STK32A: variants seen among roughly 807,000 people sequenced by gnomAD.
The protein encoded by STK32A is serine/threonine-protein kinase 32A.
In STK32A, 41 loss-of-function variants were observed where a neutral mutation model predicts 53.2. The ratio of observed to expected loss-of-function variants is 0.77; its 90% CI spans 0.60 to 1.00. The LOEUF (loss-of-function observed/expected upper bound fraction) is 1.00, where lower values mean the gene tolerates loss of function less well. Among genes scored for constraint, STK32A ranks in the 50% least tolerant of loss-of-function variants. The pLI is 0.00. For synonymous variants in STK32A, 166 were observed against 162.8 expected (o/e 1.02, Z -0.15); for missense variants, 458 against 485.8 (o/e 0.94, Z 0.54).
chr5:147,399,272 T>G, the STK32A span: 11 of 1,609,830 alleles, frequency 6.8e-6, no homozygotes, highest in Non-Finnish European at 9.3e-6. Flanking sequence ...TATAAGAAAT[T>G]ATATCTATAT....
At chr5:147,400,135 G>C in the STK32A span, among the ~76,000 whole-genome samples, 2 of 152,154 alleles carry the variant, frequency 1.3e-5, no homozygotes, top group Non-Finnish European at 2.9e-5. Flanking sequence ...TAAAATCTTT[G>C]AAAGAGTCTT....
rs76072889 is a variant in STK32A, at chr5:147,323,152, G to A, written c.261-746G>A. On this transcript the variant is annotated intron_variant, in intron 4 of 12. Coordinates refer to ENST00000397936, the MANE Select transcript of STK32A (RefSeq NM_001112724.2). ...ACTTTGTGCATTTCCTCGTGTGAAT[G>A]GGAGCGTAGGTCCAGCATCGTGAGG... 6.2e-3 allele frequency among the ~76,000 whole-genome samples: 940 copies of A among 152,298 alleles called. 11 individuals carry two copies. The highest frequency in any genetic ancestry group is 0.019 in the African/African-American group (809 of 41,558).
chr5:147,296,313 C>A (rs1022154241), intron 4 of STK32A, among the ~76,000 whole-genome samples: 1 of 151,376 alleles, frequency 6.6e-6, no homozygotes, highest in Non-Finnish European at 1.5e-5. Flanking sequence ...TGGAAGAGGG[C>A]CAGATGGGCA....
intron 1 of STK32A, among the ~76,000 whole-genome samples, chr5:147,238,100 A>G (rs1753404299): frequency 6.6e-6 from 1 of 152,266 alleles, no homozygotes; most frequent in African/African-American, 2.4e-5. Flanking sequence ...ATGACCATAT[A>G]TGTGCTAAGC....
chr5:147,290,921 T>C (rs1390033083), intron 4 of STK32A, among the ~76,000 whole-genome samples: 1 of 152,100 alleles, frequency 6.6e-6, no homozygotes, highest in East Asian at 1.9e-4. Context: ...ACAAGGCAGT[T>C]CCTAAGTTAT....
the STK32A span, chr5:147,397,635 T>C: frequency 1.2e-6 from 2 of 1,601,482 alleles, no homozygotes; most frequent in Non-Finnish European, 1.7e-6. Flanking sequence ...ACAAAGCTCC[T>C]GCACCACCTC....
chr5:147,273,173 A>G (rs1340105707), intron 2 of STK32A, among the ~76,000 whole-genome samples: 1 of 152,158 alleles, frequency 6.6e-6, no homozygotes, highest in Non-Finnish European at 1.5e-5. Context: ...GCATGTTGAG[A>G]CAGAGAAGAT....
chr5:147,347,886 G>T (rs977225870), intron 6 of STK32A, among the ~76,000 whole-genome samples: 1 of 152,150 alleles, frequency 6.6e-6, no homozygotes, highest in Non-Finnish European at 1.5e-5. Flanking sequence ...GTGAAGTTCT[G>T]CCTTCATTGT....
intron 3 of STK32A, among the ~76,000 whole-genome samples, chr5:147,279,025 C>G (rs1475264155): frequency 6.6e-6 from 1 of 152,042 alleles, no homozygotes; most frequent in East Asian, 1.9e-4. Flanking sequence ...CAATACCAGG[C>G]AAAATTGTTT....
intron 4 of STK32A, among the ~76,000 whole-genome samples, chr5:147,292,500 C>CA (rs1472716317): frequency 1.3e-5 from 2 of 151,614 alleles, no homozygotes; most frequent in African/African-American, 2.4e-5. Flanking sequence ...CTAAATAGCT[C>CA]AAAAAAAATT....
intron 2 of STK32A, among the ~76,000 whole-genome samples, chr5:147,244,333 A>G (rs919814919): frequency 6.6e-6 from 1 of 152,222 alleles, no homozygotes; most frequent in Non-Finnish European, 1.5e-5. Context: ...TAAGGCTGCT[A>G]TAAACATTGG....
intron 7 of STK32A, among the ~76,000 whole-genome samples, chr5:147,356,777 C>T (rs1337581493): frequency 6.6e-6 from 1 of 151,790 alleles, no homozygotes; most frequent in Non-Finnish European, 1.5e-5. Flanking sequence ...GGATGGCCAA[C>T]CAGTATAGTG....
intron 7 of STK32A, among the ~76,000 whole-genome samples, chr5:147,351,807 A>G (rs757191561): frequency 6.6e-6 from 1 of 152,218 alleles, no homozygotes; most frequent in Non-Finnish European, 1.5e-5. Context: ...AGATCGCGCC[A>G]TTGCACTCCA....
At chr5:147,273,225 T>A (rs1554101089) in intron 2 of STK32A, among the ~76,000 whole-genome samples, 1 of 152,222 alleles carries the variant, frequency 6.6e-6, no homozygotes, top group Non-Finnish European at 1.5e-5. Flanking sequence ...GTATCATCAC[T>A]GGGTTTCAGA....
chr5:147,279,991 C>T (rs1274838398), intron 4 of STK32A, among the ~76,000 whole-genome samples: 2 of 152,100 alleles, frequency 1.3e-5, no homozygotes, highest in African/African-American at 4.8e-5. Context: ...AACACACACC[C>T]CCACTGGAGA....
At chr5:147,259,812 T>TTC (rs1184764429) in intron 2 of STK32A, among the ~76,000 whole-genome samples, 127 of 144,330 alleles carry the variant, frequency 8.8e-4, no homozygotes, top group African/African-American at 3.1e-3. Context: ...TCTGTCCTGT[T>TTC]TCTCTCTCTC....
In STK32A at chr5:147,387,495, G is replaced by A. The variant is rs369641666; in HGVS notation, c.*3512G>A. Reference sequence around the variant, plus strand: ...GGAAGAAAGAGTATTAATGTAGCTAGTAGGGACCAGTGTTGCTGCTTGTGG... The same window carrying A: ...GGAAGAAAGAGTATTAATGTAGCTAATAGGGACCAGTGTTGCTGCTTGTGG... On this transcript the variant is annotated 3_prime_UTR_variant, in exon 13 of 13. Transcript: ENST00000397936. 3 of 152,380 alleles carry A rather than the reference G, an allele frequency of 2.0e-5. 1 individual carries two copies. The highest frequency in any genetic ancestry group is 6.5e-5 in the Admixed American group (1 of 15,310). The allele number at this position is 152,380 out of a possible 1,614,324, so 9.4% of individuals were successfully genotyped here.
intron 4 of STK32A, among the ~76,000 whole-genome samples, chr5:147,314,237 C>G (rs1424454545): frequency 1.3e-5 from 2 of 152,030 alleles, no homozygotes; most frequent in Non-Finnish European, 2.9e-5. Flanking sequence ...GTGGCTCATG[C>G]CTGTAATCCC....
chr5:147,273,936 A>G (rs1755150014), intron 2 of STK32A, among the ~76,000 whole-genome samples: 1 of 152,210 alleles, frequency 6.6e-6, no homozygotes, highest in African/African-American at 2.4e-5. Context: ...AAAGTGACAT[A>G]AAAATGAAAC....
Sources: allele counts gnomAD v4.1 joint callset (sites outside exome capture counted in the v4.1 genomes callset), GRCh38; gene constraint gnomAD v4.1.1; transcripts MANE v1.5; gene names NCBI Gene and HGNC (gene_info 2026-07-23, HGNC 2026-07-21).